The following NF1 variants were observed in gnomAD, a reference collection of about 807,000 sequenced individuals.
The protein encoded by NF1 is neurofibromin 1.
Under a neutral mutation model 325.7 loss-of-function variants are expected in NF1, and 122 were observed. That is an observed-to-expected ratio of 0.37 (90% CI 0.32 to 0.44). The LOEUF (loss-of-function observed/expected upper bound fraction) is 0.44. NF1 is among the 20% of genes least tolerant of loss of function. The pLI, the probability that NF1 is intolerant of heterozygous loss-of-function variation, is 1.00. For missense variants in NF1, 2,140 were observed against 3,415.4 expected (o/e 0.63, Z 9.31); for synonymous variants, 1,091 against 1,186.0 (o/e 0.92, Z 1.65).
At chr17:31,217,542 C>T (rs2066841094) in intron 13 of NF1, among the ~76,000 whole-genome samples, 1 of 151,802 alleles carries the variant, frequency 6.6e-6, no homozygotes, top group African/African-American at 2.4e-5. Context: ...TGACCTCAAG[C>T]ACTCCGCCTG....
rs1060500272 is a variant in NF1, at chr17:31,229,268, G to A, written c.2653G>A (p.Gly885Arg). 1.2e-6 allele frequency: 2 copies of A among 1,613,474 alleles called. No individual in the cohort carries two copies. Among genetic ancestry groups the A allele is most frequent in the Non-Finnish European group, 1.7e-6 (2 of 1,179,828 alleles). ...GSMISVMSSE[G>R]NADTPVSKFM... Reference sequence around the variant, plus strand: ...TATGATTTCAGTGATGTCTTCAGAGGGAAACGCAGATACACCTGTCAGCAA... The same window carrying A: ...TATGATTTCAGTGATGTCTTCAGAGAGAAACGCAGATACACCTGTCAGCAA... Residue 885 changes from glycine (G) to arginine (R), a missense_variant, in exon 21 of 58, where the codon GGA (glycine) becomes AGA (arginine). Gly to Arg is a moderately radical substitution (Grantham distance 125, BLOSUM62 -2). Around this residue, in one of 10 missense-constraint regions of NF1, gnomAD observed 380 missense variants for 639.3 expected, o/e 0.59. Coordinates refer to ENST00000358273, the MANE Select transcript of NF1 (RefSeq NM_001042492.3).
intron 5 of NF1, among the ~76,000 whole-genome samples, chr17:31,175,911 C>T (rs1469442463): frequency 1.3e-5 from 2 of 152,178 alleles, no homozygotes; most frequent in Non-Finnish European, 2.9e-5. Context: ...TTTTCTTTAT[C>T]CAGTCTATCA....
At position 31,182,582 on chromosome 17, in the gene NF1, C is replaced by T. The variant is rs786202456; in HGVS notation, c.805C>T (p.Leu269=). 1.9e-6 allele frequency: 3 copies of T among 1,614,006 alleles called. No individual in the cohort carries two copies. The highest frequency in any genetic ancestry group is 2.5e-6 in the Non-Finnish European group (3 of 1,179,934). Residue 269 remains leucine, a synonymous_variant, in exon 8 of 58, where the codon CTA becomes TTA. Coordinates refer to ENST00000358273, the MANE Select transcript of NF1 (RefSeq NM_001042492.3). ...CAAACGTAAAGCAGCAGTTTGGCCACTACAAATCATTCTCCTTATCTTGTG... is the reference window on the plus strand; with the variant it reads ...CAAACGTAAAGCAGCAGTTTGGCCATTACAAATCATTCTCCTTATCTTGTG... ...STKRKAAVWP[L]QIILLILCPE...
rs147417054 is a variant in NF1 at position 31,206,358 on chromosome 17, T to C, written c.1379T>C (p.Ile460Thr). The C allele has an allele frequency of 6.2e-7, 1 of 1,613,754 alleles. No homozygotes were observed. The highest frequency in any genetic ancestry group is 1.7e-5 in the Admixed American group (1 of 60,010). The change falls in exon 12 of 58, where the codon ATA (isoleucine) becomes ACA (threonine). Residue 460 changes from isoleucine (I) to threonine (T), a missense_variant. This residue lies in a region of NF1 where 179 missense variants were observed against 381.0 expected (regional missense o/e 0.47). Transcript: ENST00000358273. ...AVQGCGAHPA[I>T]RMAPSLTFKE... ...CAAGGTTGTGGAGCACACCCAGCAA[T>C]ACGAATGGCACCGGTAAGATAAATC...
intron 1 of NF1, among the ~76,000 whole-genome samples, chr17:31,141,718 C>G (rs1052970495): frequency 6.6e-6 from 1 of 152,258 alleles, no homozygotes; most frequent in Admixed American, 6.5e-5. Flanking sequence ...CTGGATGCCT[C>G]TGGAGCACGG....
At chr17:31,169,535 G>A (rs1218636981) in intron 4 of NF1, among the ~76,000 whole-genome samples, 2 of 151,812 alleles carry the variant, frequency 1.3e-5, no homozygotes, top group Non-Finnish European at 2.9e-5. Context: ...AGGGATACCC[G>A]AAGACTTTTT....
chr17:31,360,766 C>T (rs2070378850), intron 57 of NF1, 63 bp downstream of exon 57: 4 of 1,417,890 alleles, frequency 2.8e-6, no homozygotes, highest in Non-Finnish European at 2.0e-6. Flanking sequence ...ATTAGGAATT[C>T]CCTTGTGATC....
chr17:31,176,919 A>ATG (rs2066033601), intron 5 of NF1, among the ~76,000 whole-genome samples: 1 of 151,908 alleles, frequency 6.6e-6, no homozygotes, highest in Non-Finnish European at 1.5e-5. Flanking sequence ...AGCCTTGTAT[A>ATG]GTTTGAAGTC....
intron 16 of NF1, among the ~76,000 whole-genome samples, chr17:31,224,766 AT>A (rs2066983744): frequency 6.6e-6 from 1 of 152,178 alleles, no homozygotes; most frequent in Non-Finnish European, 1.5e-5. Context: ...TGGAAAAAAA[AT>A]CTTTGTCATT....
At chr17:31,373,893 C>A in intron 57 of NF1, 120 bp from the exon 58 acceptor site, 1 of 1,268,008 alleles carries the variant, frequency 7.9e-7, no homozygotes, top group Non-Finnish European at 1.1e-6. Context: ...TTTGCACAGA[C>A]AAAATCGCCT....
chr17:31,159,541 G>A (rs1424694671), intron 3 of NF1, among the ~76,000 whole-genome samples: 1 of 152,126 alleles, frequency 6.6e-6, no homozygotes, highest in African/African-American at 2.4e-5. Flanking sequence ...AAGGATAGAT[G>A]TTACCTTGAG....
At chr17:31,165,943 T>C (rs944601968) in intron 4 of NF1, among the ~76,000 whole-genome samples, 2 of 152,170 alleles carry the variant, frequency 1.3e-5, no homozygotes, top group Non-Finnish European at 2.9e-5. Context: ...CCTCCTGCCT[T>C]GGCCTCCCAA....
At chr17:31,134,909 G>A (rs1182137905) in intron 1 of NF1, among the ~76,000 whole-genome samples, 1 of 152,122 alleles carries the variant, frequency 6.6e-6, no homozygotes, top group Non-Finnish European at 1.5e-5. Context: ...AGAACAACCC[G>A]AATACCAGAT....
chr17:31,346,888 T>A (rs2070005177), intron 48 of NF1, among the ~76,000 whole-genome samples: 2 of 150,038 alleles, frequency 1.3e-5, no homozygotes, highest in South Asian at 4.3e-4. Context: ...ATTGCTCTTA[T>A]CCCTCTCAGA....
At chr17:31,295,868 C>T in intron 36 of NF1, 3 of 1,614,166 alleles carry the variant, frequency 1.9e-6, no homozygotes, top group Middle Eastern at 1.6e-4. Flanking sequence ...AAGTTTGTTA[C>T]TACTGAGGTT....
At chr17:31,184,583 G>A (rs2066199180) in intron 8 of NF1, among the ~76,000 whole-genome samples, 1 of 149,658 alleles carries the variant, frequency 6.7e-6, no homozygotes, top group Admixed American at 6.7e-5. Context: ...CCAGGGGGCG[G>A]AGCCTGCAGT....
chr17:31,186,767 G>A lies in NF1; in HGVS notation c.888+4102G>A, dbSNP rs569337380. On this transcript the variant is annotated intron_variant, in intron 8 of 57. Coordinates refer to ENST00000358273, the MANE Select transcript of NF1 (RefSeq NM_001042492.3). Reference sequence around the variant, plus strand: ...CCAGCTACCCCTCTCCTCGCCCAATGGGCCCATGAACAAAGTGGCCATGGT... The same window carrying A: ...CCAGCTACCCCTCTCCTCGCCCAATAGGCCCATGAACAAAGTGGCCATGGT... Among the ~76,000 whole-genome samples the A allele has an allele frequency of 3.9e-5, 6 of 152,320 alleles. No individual in the cohort carries two copies. In the East Asian group the frequency reaches 1.2e-3, roughly 29 times the overall value.
intron 36 of NF1, chr17:31,305,584 A>G: frequency 6.2e-7 from 1 of 1,613,250 alleles, no homozygotes. Context: ...ACAAAACAAA[A>G]TTAAGATGAA....
At position 31,238,414 on chromosome 17, in the gene NF1, G is replaced by A. The variant is rs140063553; in HGVS notation, c.3974+2393G>A. Reference sequence around the variant, plus strand: ...TTAGCCACCTCCAGCCCCCTCTAGCGTTTCTGTAAGAAGAGAGAAAAGGCT... The same window carrying A: ...TTAGCCACCTCCAGCCCCCTCTAGCATTTCTGTAAGAAGAGAGAAAAGGCT... On this transcript the variant is annotated intron_variant, in intron 29 of 57. Coordinates refer to ENST00000358273, the MANE Select transcript of NF1 (RefSeq NM_001042492.3). 7.0e-3 allele frequency among the ~76,000 whole-genome samples: 1,063 copies of A among 152,128 alleles called. 18 individuals are homozygous for A. Among genetic ancestry groups the A allele is most frequent in the African/African-American group, 0.023 (968 of 41,496 alleles).
Sources: allele counts gnomAD v4.1 joint callset (sites outside exome capture counted in the v4.1 genomes callset), GRCh38; gene constraint gnomAD v4.1.1; regional missense constraint gnomAD v4.1.1; transcripts MANE v1.5; gene names NCBI Gene and HGNC (gene_info 2026-07-23, HGNC 2026-07-21).